Variants in CTNNA2 observed in about 807,000 individuals in gnomAD.
CTNNA2 encodes the protein catenin alpha 2.
CTNNA2 carries 42 observed loss-of-function variants against 101.0 expected under a neutral mutation model. The ratio of observed to expected loss-of-function variants is 0.42; its 90% CI spans 0.32 to 0.54. CTNNA2 has a LOEUF of 0.54. Among genes scored for constraint, CTNNA2 ranks in the 20% least tolerant of loss-of-function variants. The pLI is 0.14. For synonymous variants in CTNNA2, 450 were observed against 456.4 expected, an observed-to-expected ratio of 0.99 and a Z score of 0.18; for missense variants, 871 against 1,223.1, an observed-to-expected ratio of 0.71 and a Z score of 4.29.
chr2:79,488,601 A>G (rs1287501623), intron 4 of CTNNA2, among the ~76,000 whole-genome samples: 1 of 152,220 alleles, frequency 6.6e-6, no homozygotes, highest in African/African-American at 2.4e-5. Context: ...AGAGCATGTG[A>G]TAGACATTGT....
At chr2:80,482,173 A>G (rs1020672824) in intron 9 of CTNNA2, among the ~76,000 whole-genome samples, 4 of 151,978 alleles carry the variant, frequency 2.6e-5, no homozygotes, top group East Asian at 3.9e-4. Flanking sequence ...TGGTGATCCA[A>G]TCCTCCTCCT....
intron 7 of CTNNA2, among the ~76,000 whole-genome samples, chr2:80,079,730 C>T (rs553273490): frequency 1.3e-4 from 20 of 151,906 alleles, no homozygotes; most frequent in African/African-American, 3.4e-4. Context: ...AGGAGAATGG[C>T]GTGAACCCGG....
Position 80,054,647 on chromosome 2 carries a change from T to G in CTNNA2, c.1056+144850T>G, listed in dbSNP as rs189277627. Among the ~76,000 whole-genome samples, 25 of 152,210 alleles carry G rather than the reference T, an allele frequency of 1.6e-4. No homozygotes were observed. In the East Asian group the frequency reaches 4.7e-3, roughly 28 times the overall value. ...GACTAGTGGGCAGGTTTAATTAATA[T>G]CGCAAGGAGATGTGGGAACCAGAGA... is the stretch of plus-strand genomic sequence containing the variant. On this transcript the variant is annotated intron_variant, in intron 7 of 18. Transcript: ENST00000402739.
chr2:79,317,591 G>A (rs1455825016), intron 3 of CTNNA2, among the ~76,000 whole-genome samples: 1 of 152,020 alleles, frequency 6.6e-6, no homozygotes, highest in Admixed American at 6.6e-5. Flanking sequence ...CAAGTCATAA[G>A]GAAATGGCCT....
At chr2:79,587,077 C>T (rs1300850303) in intron 1 of CTNNA2, among the ~76,000 whole-genome samples, 1 of 152,104 alleles carries the variant, frequency 6.6e-6, no homozygotes, top group Non-Finnish European at 1.5e-5. Flanking sequence ...GTTTAATAGG[C>T]ATTTAGGTAG....
chr2:80,109,830 T>G (rs2148858579), intron 7 of CTNNA2, among the ~76,000 whole-genome samples: 1 of 152,324 alleles, frequency 6.6e-6, no homozygotes, highest in African/African-American at 2.4e-5. Flanking sequence ...CGGTGCTCAC[T>G]AAATGCTTTT....
intron 7 of CTNNA2, among the ~76,000 whole-genome samples, chr2:80,022,990 C>G (rs969514156): frequency 6.6e-6 from 1 of 152,220 alleles, no homozygotes; most frequent in African/African-American, 2.4e-5. Context: ...CAGCAACCAT[C>G]AGATTCCATC....
At chr2:79,644,645 A>G (rs2104439161) in intron 1 of CTNNA2, among the ~76,000 whole-genome samples, 1 of 152,262 alleles carries the variant, frequency 6.6e-6, no homozygotes, top group South Asian at 2.1e-4. Context: ...GACCAATGGC[A>G]ACTTGGGGAA....
At chr2:80,114,181 A>T (rs1194281553) in intron 7 of CTNNA2, among the ~76,000 whole-genome samples, 2 of 152,188 alleles carry the variant, frequency 1.3e-5, no homozygotes, top group Non-Finnish European at 2.9e-5. Flanking sequence ...GTCCTCAGAG[A>T]AGATGAAAAA....
At chr2:80,404,883 T>TCTGCTGCAAAACTGA (rs1678921792) in intron 8 of CTNNA2, among the ~76,000 whole-genome samples, 1 of 152,228 alleles carries the variant, frequency 6.6e-6, no homozygotes, top group Non-Finnish European at 1.5e-5. Context: ...ATGTTGATTT[T>TCTGCTGCAAAACTGA]TTGCTGCAAA....
intron 7 of CTNNA2, among the ~76,000 whole-genome samples, chr2:80,173,031 A>G (rs1705168866): frequency 6.6e-6 from 1 of 152,190 alleles, no homozygotes; most frequent in Admixed American, 6.5e-5. Flanking sequence ...GTACAATTCA[A>G]TCCATAAAAA....
chr2:79,773,040 C>T (rs1673706143), intron 3 of CTNNA2, among the ~76,000 whole-genome samples: 1 of 152,178 alleles, frequency 6.6e-6, no homozygotes, highest in African/African-American at 2.4e-5. Flanking sequence ...TATAGGCCTT[C>T]CATGTCCATT....
intron 14 of CTNNA2, among the ~76,000 whole-genome samples, chr2:80,588,516 A>G (rs919856116): frequency 6.6e-6 from 1 of 152,224 alleles, no homozygotes; most frequent in Non-Finnish European, 1.5e-5. Flanking sequence ...GGTTACAAGT[A>G]TATTTTAGAG....
At chr2:80,023,591 T>A (rs919981695) in intron 7 of CTNNA2, among the ~76,000 whole-genome samples, 2 of 152,194 alleles carry the variant, frequency 1.3e-5, no homozygotes, top group Non-Finnish European at 2.9e-5. Flanking sequence ...TGTTTTTGCA[T>A]GTAAAATACT....
chr2:80,173,832 C>T (rs1705223457), intron 7 of CTNNA2, among the ~76,000 whole-genome samples: 1 of 152,144 alleles, frequency 6.6e-6, no homozygotes, highest in East Asian at 1.9e-4. Flanking sequence ...ATGTACACAA[C>T]ACTGGATGCC....
chr2:80,512,631 A>C, intron 9 of CTNNA2, among the ~76,000 whole-genome samples: 1 of 151,702 alleles, frequency 6.6e-6, no homozygotes, highest in East Asian at 1.9e-4. Context: ...TTATATATAC[A>C]TTTTCTATTT....
Position 80,647,783 on chromosome 2 carries a change from T to A in CTNNA2, c.2773T>A (p.Phe925Ile). 1 of 1,613,626 alleles carries A rather than the reference T, an allele frequency of 6.2e-7. No individual in the cohort carries two copies. The highest frequency in any genetic ancestry group is 8.5e-7 in the Non-Finnish European group (1 of 1,179,600). ...TGTGAAGAGAGAAAAGCCTGAAGAA[T>A]TCCAGACACGAGTTCGACGAGGTTC... ...PLVKREKPEE[F>I]QTRVRRGSQK... The change falls in exon 19 of 19, where the codon TTC (phenylalanine) becomes ATC (isoleucine). Residue 925 changes from phenylalanine (F) to isoleucine (I), a missense_variant. Phe to Ile is a conservative substitution (Grantham distance 21, BLOSUM62 0). This residue lies in a region of CTNNA2 where 41 missense variants were observed against 45.1 expected (regional missense o/e 0.91). Coordinates refer to ENST00000402739, the MANE Select transcript of CTNNA2 (RefSeq NM_001282597.3).
chr2:80,055,027 C>A (rs776425809), intron 7 of CTNNA2, among the ~76,000 whole-genome samples: 14 of 151,930 alleles, frequency 9.2e-5, no homozygotes, highest in Non-Finnish European at 2.1e-4. Context: ...TTTGACATTT[C>A]TTTTGTTGTT....
Position 79,982,224 on chromosome 2 carries a change from ATATATATATATATATATG to A in CTNNA2, c.1056+72431_1056+72448del, listed in dbSNP as rs1383893937. 4.4e-4 allele frequency among the ~76,000 whole-genome samples: 27 copies of A among 60,862 alleles called. 2 individuals are homozygous for A. The highest frequency in any genetic ancestry group is 1.3e-3 in the African/African-American group (24 of 18,248). The allele number at this position is 60,862 out of a possible 152,430, so 39.9% of individuals were successfully genotyped here. A position where few individuals can be genotyped will look rare whatever the true frequency, so the allele number is the denominator to read the frequency against. ...TATATATATATATATATATATATAT[ATATATATATATATATATG>A]TATGTATATGTACACACACACATAA... On this transcript the variant is annotated intron_variant, in intron 7 of 18. Coordinates refer to ENST00000402739, the MANE Select transcript of CTNNA2 (RefSeq NM_001282597.3).
Sources: gnomAD v4.1 joint callset for allele counts (sites outside exome capture counted in the v4.1 genomes callset) on GRCh38, gnomAD v4.1.1 for gene constraint, gnomAD v4.1.1 regional missense constraint, MANE v1.5 for transcripts, NCBI Gene and HGNC (gene_info 2026-07-23, HGNC 2026-07-21) for gene names.